Variants in SDK1 observed in about 807,000 individuals in gnomAD.
SDK1 encodes protein sidekick-1.
A neutral mutation model predicts 245.5 loss-of-function variants in SDK1; 157 were observed. That is an observed-to-expected ratio of 0.64 (90% CI 0.56 to 0.73). SDK1 has a LOEUF of 0.73. Among genes scored for constraint, SDK1 ranks in the 30% least tolerant of loss-of-function variants. The pLI, the probability that SDK1 is intolerant of heterozygous loss-of-function variation, is 0.00. For synonymous variants in SDK1, 1,647 were observed against 1,278.5 expected (o/e 1.29, Z -6.15); for missense variants, 3,583 against 3,002.3 (o/e 1.19, Z -4.52).
intron 38 of SDK1, among the ~76,000 whole-genome samples, chr7:4,211,250 C>A (rs1374723097): frequency 6.6e-6 from 1 of 152,198 alleles, no homozygotes; most frequent in Non-Finnish European, 1.5e-5. Context: ...GTTGCCAACA[C>A]AGAGGACTTT....
intron 22 of SDK1, among the ~76,000 whole-genome samples, chr7:4,083,390 A>G (rs961579174): frequency 1.3e-5 from 2 of 151,990 alleles, no homozygotes; most frequent in African/African-American, 4.8e-5. Context: ...AAACCCAGCC[A>G]GTCATCCCAT....
chr7:3,846,248 G>C (rs1780275900), intron 5 of SDK1, among the ~76,000 whole-genome samples: 5 of 152,128 alleles, frequency 3.3e-5, no homozygotes, highest in Non-Finnish European at 7.4e-5. Flanking sequence ...ATATCCTTTT[G>C]GGTATGCAGT....
rs558213941 is a variant in SDK1 at position 3,410,262 on chromosome 7, T to C, written c.298+108378T>C. Among the ~76,000 whole-genome samples the C allele has an allele frequency of 1.9e-4, 29 of 152,104 alleles. No individual in the cohort carries two copies. In the South Asian group the frequency reaches 5.4e-3, roughly 28 times the overall value. ...CCTGACCTCATTTGATGGGTCACAG[T>C]CAAAACTTCATTTCGCGCACAACAT... On this transcript the variant is annotated intron_variant, in intron 1 of 44. Coordinates refer to ENST00000404826, the MANE Select transcript of SDK1 (RefSeq NM_152744.4).
intron 1 of SDK1, among the ~76,000 whole-genome samples, chr7:3,399,304 C>G (rs533591067): frequency 6.6e-6 from 1 of 151,688 alleles, no homozygotes; most frequent in African/African-American, 2.4e-5. Context: ...AATTTTGTTC[C>G]TTTTTGTGAT....
chr7:3,306,541 G>T (rs1779421327), intron 1 of SDK1, among the ~76,000 whole-genome samples: 1 of 152,172 alleles, frequency 6.6e-6, no homozygotes, highest in South Asian at 2.1e-4. Flanking sequence ...GTTTGCCTTA[G>T]CACACATTTT....
At chr7:4,067,804 T>C in intron 19 of SDK1, 34 bp from the exon 20 acceptor site, 1 of 1,541,592 alleles carries the variant, frequency 6.5e-7, no homozygotes, top group Non-Finnish European at 8.9e-7. Context: ...TTTGGGCTAT[T>C]GTGTTAACAG....
intron 32 of SDK1, among the ~76,000 whole-genome samples, chr7:4,171,129 A>AG (rs1781812343): frequency 6.6e-6 from 1 of 152,128 alleles, no homozygotes; most frequent in Non-Finnish European, 1.5e-5. Context: ...GAGCCGGTGA[A>AG]GGGGTGCCTG....
intron 4 of SDK1, among the ~76,000 whole-genome samples, chr7:3,729,911 T>A (rs1779128766): frequency 6.6e-6 from 1 of 152,066 alleles, no homozygotes; most frequent in African/African-American, 2.4e-5. Flanking sequence ...ACATGCTATC[T>A]CGCATGCAGT....
chr7:3,390,364 A>T (rs1781718553), intron 1 of SDK1, among the ~76,000 whole-genome samples: 1 of 152,198 alleles, frequency 6.6e-6, no homozygotes, highest in African/African-American at 2.4e-5. Context: ...TTTACCACTG[A>T]CAGTGACTTC....
chr7:3,924,467 C>G (rs145038460), intron 5 of SDK1, among the ~76,000 whole-genome samples: 2 of 152,166 alleles, frequency 1.3e-5, no homozygotes, highest in Admixed American at 1.3e-4. Context: ...TGATCTCCCC[C>G]ACCCCTGCTG....
chr7:3,638,955 C>A (rs952802455), intron 2 of SDK1, 49 bp from the exon 3 acceptor site: 2 of 1,154,426 alleles, frequency 1.7e-6, no homozygotes, highest in South Asian at 1.4e-5. Context: ...TAGATATAAC[C>A]ATGAAACACT....
chr7:4,049,571 G>A (rs1485985563), intron 18 of SDK1, 108 bp downstream of exon 18: 19 of 795,416 alleles, frequency 2.4e-5, no homozygotes, highest in Admixed American at 1.3e-4. Context: ...GTTGCATTAA[G>A]ATACAGGGCG....
At chr7:3,532,269 C>G (rs959616286) in intron 1 of SDK1, among the ~76,000 whole-genome samples, 1 of 152,230 alleles carries the variant, frequency 6.6e-6, no homozygotes, top group South Asian at 2.1e-4. Flanking sequence ...ATTGTTGTTT[C>G]TGGTAAGCCA....
chr7:4,003,288 C>T (rs985520472), intron 14 of SDK1, among the ~76,000 whole-genome samples: 5 of 152,206 alleles, frequency 3.3e-5, no homozygotes, highest in Non-Finnish European at 7.4e-5. Context: ...GTAGGTCTTT[C>T]TTTTTTCTTA....
intron 16 of SDK1, among the ~76,000 whole-genome samples, chr7:4,015,883 T>C (rs1392140991): frequency 6.6e-6 from 1 of 152,182 alleles, no homozygotes; most frequent in Non-Finnish European, 1.5e-5. Flanking sequence ...GTGTACATGG[T>C]CGGCGGCAAG....
chr7:4,260,399 C>T (rs13243067), intron 44 of SDK1, among the ~76,000 whole-genome samples: 5 of 97,706 alleles, frequency 5.1e-5, no homozygotes, highest in Admixed American at 2.3e-4. Context: ...TGCTCCGGGG[C>T]CTCGGTGTGT....
intron 42 of SDK1, among the ~76,000 whole-genome samples, chr7:4,240,866 A>AGG (rs1344000432): frequency 3.3e-5 from 5 of 152,094 alleles, no homozygotes; most frequent in Non-Finnish European, 7.4e-5. Context: ...TTCCAGCAAG[A>AGG]GGGAGAGCCC....
At chr7:4,070,654 G>A (rs749272945) in intron 20 of SDK1, among the ~76,000 whole-genome samples, 2 of 151,932 alleles carry the variant, frequency 1.3e-5, no homozygotes, top group African/African-American at 4.8e-5. Flanking sequence ...CCCTGATAGA[G>A]CGGTGTGCCC....
intron 22 of SDK1, among the ~76,000 whole-genome samples, chr7:4,108,146 G>A (rs1320301658): frequency 6.6e-6 from 1 of 152,174 alleles, no homozygotes; most frequent in Middle Eastern, 3.2e-3. Context: ...ATCAGGATTG[G>A]ATGGTTCCAG....
Sources: allele counts gnomAD v4.1 joint callset (sites outside exome capture counted in the v4.1 genomes callset), GRCh38; gene constraint gnomAD v4.1.1; transcripts MANE v1.5; gene names NCBI Gene and HGNC (gene_info 2026-07-23, HGNC 2026-07-21).